The following OPN4 variants were observed in gnomAD, a reference collection of about 807,000 sequenced individuals.
The protein encoded by OPN4 is melanopsin.
Under a neutral mutation model 49.5 loss-of-function variants are expected in OPN4, and 43 were observed. The observed-to-expected ratio is 0.87, with a 90% CI of 0.68 to 1.12. The LOEUF is 1.12. Among genes scored for constraint, OPN4 ranks in the 50% most tolerant of loss-of-function variants. OPN4 has a pLI of 0.00. For missense variants in OPN4, 657 were observed against 643.9 expected (o/e 1.02, Z -0.22); for synonymous variants, 263 against 258.0 (o/e 1.02, Z -0.19).
intron 4 of OPN4, 26 bp downstream of exon 4, chr10:86,658,713 G>A (rs760344291): frequency 1.9e-6 from 3 of 1,605,692 alleles, no homozygotes; most frequent in East Asian, 2.2e-5. Context: ...GAACTGGAAG[G>A]GGGGCAGATG....
intron 2 of OPN4, 67 bp downstream of exon 2, chr10:86,656,367 G>T (rs1843865490): frequency 6.5e-7 from 1 of 1,526,806 alleles, no homozygotes; most frequent in East Asian, 2.3e-5. Flanking sequence ...GGAAGAAAAT[G>T]CAGGCAGGAA....
In OPN4 at chr10:86,658,078, G is replaced by T; in HGVS notation, c.337G>T (p.Ala113Ser). Residue 113 changes from alanine (A) to serine (S), a missense_variant, in exon 3 of 10, where the codon GCG (alanine) becomes TCG (serine). Coordinates refer to ENST00000241891, the MANE Select transcript of OPN4 (RefSeq NM_033282.4). The part of the protein sequence containing the change: ...TPANMFIINL[A>S]VSDFLMSFTQ... ...TGCCAACATGTTCATTATCAACCTCGCGGTCAGCGACTTCCTCATGTCCTT... is the reference window on the plus strand; with the variant it reads ...TGCCAACATGTTCATTATCAACCTCTCGGTCAGCGACTTCCTCATGTCCTT... 1 of 1,613,954 alleles carries T rather than the reference G, an allele frequency of 6.2e-7. No homozygotes were observed. The highest frequency in any genetic ancestry group is 8.5e-7 in the Non-Finnish European group (1 of 1,180,022).
chr10:86,661,189 A>T (rs867759960), intron 6 of OPN4, 92 bp from the exon 7 acceptor site: 4 of 999,548 alleles, frequency 4.0e-6, no homozygotes, highest in Non-Finnish European at 6.3e-6. Flanking sequence ...TTTGGGCTGG[A>T]TTAGGATTTG....
chr10:86,655,717 G>A (rs933461764), intron 1 of OPN4, among the ~76,000 whole-genome samples: 2 of 152,196 alleles, frequency 1.3e-5, no homozygotes, highest in Non-Finnish European at 1.5e-5. Context: ...TCTTGAGAGG[G>A]GCTCCACCCG....
At chr10:86,663,519 G>A (rs1369841012) in intron 8 of OPN4, 140 bp from the exon 9 acceptor site, 8 of 712,798 alleles carry the variant, frequency 1.1e-5, no homozygotes, top group Admixed American at 3.7e-5. Context: ...TTTGGTGACC[G>A]GCAACGGTGC....
chr10:86,659,961 G>A lies in OPN4; in HGVS notation c.867G>A (p.Gln289=), dbSNP rs1843963747. 6.2e-7 allele frequency: 1 copy of A among 1,614,254 alleles called. No individual in the cohort carries two copies. Among genetic ancestry groups the A allele is most frequent in the Non-Finnish European group, 8.5e-7 (1 of 1,180,040 alleles). ...CCCTGTGGCAGCGGCAGCGGCTGCA[G>A]AGCGAGTGCAAGATGGCCAAGATCA... ...GESLWQRQRL[Q]SECKMAKIML... The change falls in exon 6 of 10, where the codon CAG becomes CAA. Residue 289 remains glutamine, a synonymous_variant. Coordinates refer to ENST00000241891, the MANE Select transcript of OPN4 (RefSeq NM_033282.4).
At position 86,654,582 on chromosome 10, in the gene OPN4, G is replaced by A. The variant is rs1843820200; in HGVS notation, c.-202G>A. On this transcript the variant is annotated 5_prime_UTR_variant, in exon 1 of 10. Transcript: ENST00000241891. Reference sequence around the variant, plus strand: ...ATAACTGCGACACTCACTCATTTGCGCTTCACCAGACACAGAGCAACCGCC... The same window carrying A: ...ATAACTGCGACACTCACTCATTTGCACTTCACCAGACACAGAGCAACCGCC... The A allele has an allele frequency of 5.1e-6, 3 of 593,462 alleles. No individual in the cohort carries two copies. Among genetic ancestry groups the A allele is most frequent in the Admixed American group, 3.1e-5 (1 of 32,552 alleles). The allele number at this position is 593,462 out of a possible 1,614,324, so 36.8% of individuals were successfully genotyped here.
intron 2 of OPN4, among the ~76,000 whole-genome samples, chr10:86,657,751 A>G (rs1843904779): frequency 6.6e-6 from 1 of 152,078 alleles, no homozygotes; most frequent in African/African-American, 2.4e-5. Context: ...GCCACGCCTC[A>G]GGTTTTGGAG....
At chr10:86,661,499 C>T in intron 7 of OPN4, 111 bp downstream of exon 7, 1 of 773,994 alleles carries the variant, frequency 1.3e-6, no homozygotes, top group South Asian at 1.8e-5. Flanking sequence ...ATGGGGGCCA[C>T]CAGCAGCTGG....
rs1034209770 is a variant in OPN4 at position 86,666,426 on chromosome 10, G to A, written c.*675G>A. The A allele has an allele frequency of 4.7e-6, 1 of 214,866 alleles. No homozygotes were observed. Among genetic ancestry groups the A allele is most frequent in the Non-Finnish European group, 9.6e-6 (1 of 104,300 alleles). 13.3% of individuals were successfully genotyped at this position (214,866 alleles called of 1,614,324 possible). A position where few individuals can be genotyped will look rare whatever the true frequency, so the allele number is the denominator to read the frequency against. ...GCTGTGTGGATCTGACAGGGTATAG[G>A]AAAATAAAAAGCGGAGAAGGTGTCT... On this transcript the variant is annotated 3_prime_UTR_variant, in exon 10 of 10. Transcript: ENST00000241891.
intron 4 of OPN4, 80 bp from the exon 5 acceptor site, chr10:86,659,217 T>A: frequency 8.8e-7 from 1 of 1,140,192 alleles, no homozygotes; most frequent in Non-Finnish European, 1.3e-6. Context: ...GGGACCCGAA[T>A]GCCACATACA....
chr10:86,664,015 CAT>C (rs1491338329), intron 9 of OPN4: 22,575 of 571,430 alleles, frequency 0.04, 511 homozygotes, highest in Middle Eastern at 0.081. Flanking sequence ...ATGGTCTGCA[CAT>C]GTGTGTGTGT....
chr10:86,659,506 A>C, intron 5 of OPN4, 38 bp downstream of exon 5: 1 of 1,602,130 alleles, frequency 6.2e-7, no homozygotes, highest in South Asian at 1.1e-5. Context: ...CAGGAGGGGG[A>C]CCGGCCCCTC....
At position 86,666,044 on chromosome 10, in the gene OPN4, T is replaced by C. The variant is rs1352467136; in HGVS notation, c.*293T>C. On this transcript the variant is annotated 3_prime_UTR_variant, in exon 10 of 10. Coordinates refer to ENST00000241891, the MANE Select transcript of OPN4 (RefSeq NM_033282.4). ...CCCGAGTTGTCTGCCTCTCCTCAAA[T>C]GCTGTGTGCTGCAATTGTCCAGGCG... 6.5e-6 allele frequency: 3 copies of C among 462,744 alleles called. No homozygotes were observed. Among genetic ancestry groups the C allele is most frequent in the African/African-American group, 2.0e-5 (1 of 50,568 alleles). The allele number at this position is 462,744 out of a possible 1,614,324, so 28.7% of individuals were successfully genotyped here. A position where few individuals can be genotyped will look rare whatever the true frequency, so the allele number is the denominator to read the frequency against.
At position 86,662,434 on chromosome 10, in the gene OPN4, T is replaced by G; in HGVS notation, c.1254+2T>G. The G allele has an allele frequency of 6.5e-7, 1 of 1,545,362 alleles. No homozygotes were observed. On this transcript the variant is annotated splice_donor_variant, in intron 8 of 9. Coordinates refer to ENST00000241891, the MANE Select transcript of OPN4 (RefSeq NM_033282.4). LOFTEE classifies it high-confidence loss of function. ...TCCCTGGGCTCGGAGAGTGAGGTGG[T>G]AAGGATGCTGGGCCCTCACCAGCTT...
Position 86,658,146 on chromosome 10 carries a change from G to A in OPN4, c.405G>A (p.Gln135=). 1 of 1,614,042 alleles carries A rather than the reference G, an allele frequency of 6.2e-7. No individual in the cohort carries two copies. The highest frequency in any genetic ancestry group is 1.1e-5 in the South Asian group (1 of 91,022). The change falls in exon 3 of 10, where the codon CAG becomes CAA. Residue 135 remains glutamine (Q), a synonymous_variant. Transcript: ENST00000241891. ...PVFFTSSLYK[Q]WLFGETGCEF... The stretch of plus-strand genomic sequence containing the variant: ...TCTTCACCAGTAGCCTCTATAAGCA[G>A]TGGCTCTTTGGGGAGACAGGTAGAT...
chr10:86,659,251 G>A (rs17425122), intron 4 of OPN4, 46 bp from the exon 5 acceptor site: 400 of 1,496,742 alleles, frequency 2.7e-4, no homozygotes, highest in East Asian at 5.2e-4. Context: ...ATAAGGAGCC[G>A]TGGTCAGTGC....
At chr10:86,656,799 G>A (rs1418711645) in intron 2 of OPN4, among the ~76,000 whole-genome samples, 2 of 152,026 alleles carry the variant, frequency 1.3e-5, no homozygotes, top group Non-Finnish European at 2.9e-5. Context: ...ACAAAAATTA[G>A]CCAGGTGTGG....
At chr10:86,656,061 C>A in intron 1 of OPN4, 94 bp from the exon 2 acceptor site, 1 of 1,538,690 alleles carries the variant, frequency 6.5e-7, no homozygotes, top group Non-Finnish European at 8.9e-7. Flanking sequence ...AGTTTTCCCA[C>A]CTGCCCTGTT....
Sources: allele counts gnomAD v4.1 joint callset (sites outside exome capture counted in the v4.1 genomes callset), GRCh38; gene constraint gnomAD v4.1.1; transcripts MANE v1.5; gene names NCBI Gene and HGNC (gene_info 2026-07-23, HGNC 2026-07-21).